CRADD: variants seen among roughly 807,000 people sequenced by gnomAD.
CRADD encodes the protein CARD and death domain containing adaptor protein.
In CRADD, 9 loss-of-function variants were observed where a neutral mutation model predicts 15.5. The observed-to-expected ratio is 0.58, with a 90% CI of 0.35 to 1.01. The LOEUF (loss-of-function observed/expected upper bound fraction) is 1.01, where lower values mean the gene tolerates loss of function less well. CRADD is among the 50% of genes least tolerant of loss of function. The probability of loss-of-function intolerance (pLI) is 0.02; values close to 1 mark genes in which losing one functional copy is unlikely to be tolerated. For synonymous variants in CRADD, 118 were observed against 107.6 expected, an observed-to-expected ratio of 1.10 and a Z score of -0.60; for missense variants, 227 against 250.3, an observed-to-expected ratio of 0.91 and a Z score of 0.63.
At chr12:93,776,163 A>G (rs1364622686) in intron 2 of CRADD, among the ~76,000 whole-genome samples, 1 of 152,244 alleles carries the variant, frequency 6.6e-6, no homozygotes, top group Non-Finnish European at 1.5e-5. Flanking sequence ...ATACAATTAT[A>G]TAGTTCTACT....
Position 93,894,459 on chromosome 12 carries a change from C to T in CRADD, c.*342C>T, listed in dbSNP as rs529538790. The T allele has an allele frequency of 7.7e-5, 19 of 247,320 alleles. No homozygotes were observed. The South Asian group carries it at 1.5e-3, about 19-fold the overall frequency. 15.3% of individuals were successfully genotyped at this position (247,320 alleles called of 1,614,324 possible). On this transcript the variant is annotated 3_prime_UTR_variant, in exon 3 of 3. Coordinates refer to the CRADD transcript ENST00000548483. ...AGCAATTGCAACCTCTGGGAGTTGCCAAGAGCTCCTCTGCCCAGCAACAGG... is the reference window on the plus strand; with the variant it reads ...AGCAATTGCAACCTCTGGGAGTTGCTAAGAGCTCCTCTGCCCAGCAACAGG...
At chr12:93,701,071 A>C (rs1377908772) in intron 2 of CRADD, among the ~76,000 whole-genome samples, 2 of 152,094 alleles carry the variant, frequency 1.3e-5, no homozygotes, top group African/African-American at 4.8e-5. Flanking sequence ...AATATATTTA[A>C]ATTTTCCTCA....
Position 93,699,591 on chromosome 12 carries a change from T to A in CRADD, c.298+20519T>A, listed in dbSNP as rs77270923. The stretch of plus-strand genomic sequence containing the variant: ...ATTTTTTACATCCCCCCACCTTGTC[T>A]TTGTTTTCACCTCCTTTGAAGGAAA... On this transcript the variant is annotated intron_variant, in intron 2 of 2. Coordinates refer to ENST00000332896, the MANE Select transcript of CRADD (RefSeq NM_003805.5). Among the ~76,000 whole-genome samples, 994 of 152,338 alleles carry A rather than the reference T, an allele frequency of 6.5e-3. 19 individuals carry two copies. The highest frequency in any genetic ancestry group is 0.023 in the African/African-American group (946 of 41,578).
Position 93,791,788 on chromosome 12 carries a change from C to A in CRADD, c.299-58182C>A, listed in dbSNP as rs73222723. Among the ~76,000 whole-genome samples, 507 of 151,802 alleles carry A rather than the reference C, an allele frequency of 3.3e-3. 4 individuals are homozygous for A. The highest frequency in any genetic ancestry group is 0.012 in the African/African-American group (481 of 41,386). On this transcript the variant is annotated intron_variant, in intron 2 of 2. Transcript: ENST00000332896. ...AGCATATAAAAATACCACATTTTAT[C>A]CCCTAAATAGATACAATTATTATTT...
At chr12:93,707,433 T>G (rs1955973045) in intron 2 of CRADD, among the ~76,000 whole-genome samples, 1 of 152,148 alleles carries the variant, frequency 6.6e-6, no homozygotes, top group African/African-American at 2.4e-5. Flanking sequence ...ACTTTTGAGA[T>G]CTCAGACTCA....
chr12:93,766,427 A>G (rs1592972189), intron 2 of CRADD, among the ~76,000 whole-genome samples: 2 of 152,194 alleles, frequency 1.3e-5, no homozygotes, highest in South Asian at 2.1e-4. Flanking sequence ...GCTTTTTCTG[A>G]TTGAAACAAA....
At chr12:93,681,900 G>A (rs1390997346) in intron 2 of CRADD, among the ~76,000 whole-genome samples, 1 of 152,142 alleles carries the variant, frequency 6.6e-6, no homozygotes, top group African/African-American at 2.4e-5. Flanking sequence ...TGTATATAGA[G>A]AGAGATATAT....
intron 2 of CRADD, among the ~76,000 whole-genome samples, chr12:93,726,189 C>T (rs536880475): frequency 9.3e-5 from 13 of 140,204 alleles, no homozygotes; most frequent in East Asian, 2.4e-4. Context: ...CTGCAACCTT[C>T]GCCTCCCAGG....
At chr12:93,730,553 TA>T (rs1956445536) in intron 2 of CRADD, among the ~76,000 whole-genome samples, 1 of 152,212 alleles carries the variant, frequency 6.6e-6, no homozygotes, top group African/African-American at 2.4e-5. Flanking sequence ...CTGAAAGGAC[TA>T]ATTTGATAAG....
At chr12:93,810,981 G>A (rs977236511) in intron 2 of CRADD, among the ~76,000 whole-genome samples, 6 of 152,232 alleles carry the variant, frequency 3.9e-5, no homozygotes, top group African/African-American at 1.2e-4. Context: ...TTAGTTTATA[G>A]GTATGAGCCT....
chr12:93,769,331 G>A (rs529967030), intron 2 of CRADD, among the ~76,000 whole-genome samples: 6 of 152,164 alleles, frequency 3.9e-5, no homozygotes, highest in Non-Finnish European at 5.9e-5. Context: ...TGATCCACTC[G>A]CCCCGCCCTC....
intron 2 of CRADD, among the ~76,000 whole-genome samples, chr12:93,820,762 G>A (rs763117417): frequency 1.2e-4 from 18 of 152,094 alleles, no homozygotes; most frequent in Non-Finnish European, 2.5e-4. Flanking sequence ...AATGTAAATT[G>A]GATCATGCCC....
intron 2 of CRADD, among the ~76,000 whole-genome samples, chr12:93,793,965 C>A (rs1957381419): frequency 6.6e-6 from 1 of 152,162 alleles, no homozygotes; most frequent in Non-Finnish European, 1.5e-5. Context: ...ACTTGGCTGT[C>A]CTCCCCACCA....
intron 2 of CRADD, among the ~76,000 whole-genome samples, chr12:93,887,083 T>C (rs1046256105): frequency 8.5e-5 from 13 of 152,202 alleles, no homozygotes; most frequent in Non-Finnish European, 1.5e-4. Flanking sequence ...CTTCCTGTAG[T>C]GTAACACAGG....
At chr12:93,753,723 G>T (rs1000109225) in intron 2 of CRADD, among the ~76,000 whole-genome samples, 1 of 152,236 alleles carries the variant, frequency 6.6e-6, no homozygotes, top group Non-Finnish European at 1.5e-5. Flanking sequence ...TCCAGGTCCT[G>T]CTGGATGTAA....
chr12:93,740,038 ACAT>A (rs1460787957), intron 2 of CRADD, among the ~76,000 whole-genome samples: 1 of 152,134 alleles, frequency 6.6e-6, no homozygotes, highest in African/African-American at 2.4e-5. Context: ...ATTTTAGAAA[ACAT>A]CATAAACTAA....
chr12:93,894,248 AC>A, exon 3 of CRADD: 2 of 614,960 alleles, frequency 3.3e-6, no homozygotes, highest in Non-Finnish European at 6.0e-6. Flanking sequence ...TTTGGTTGTC[AC>A]AATTCTGTGT....
intron 2 of CRADD, among the ~76,000 whole-genome samples, chr12:93,828,104 A>T (rs547965112): frequency 6.6e-6 from 1 of 152,226 alleles, no homozygotes; most frequent in Non-Finnish European, 1.5e-5. Context: ...TTTGCCATCC[A>T]TGTATCTTCT....
At chr12:93,757,045 A>G (rs1325066840) in intron 2 of CRADD, among the ~76,000 whole-genome samples, 1 of 152,236 alleles carries the variant, frequency 6.6e-6, no homozygotes, top group Non-Finnish European at 1.5e-5. Context: ...GGATGAATGA[A>G]TTGTAACCTT....
Sources: allele counts gnomAD v4.1 joint callset (sites outside exome capture counted in the v4.1 genomes callset), GRCh38; gene constraint gnomAD v4.1.1; transcripts MANE v1.5; gene names NCBI Gene and HGNC (gene_info 2026-07-23, HGNC 2026-07-21).